GATA4: variants seen among roughly 807,000 people sequenced by gnomAD.
The protein encoded by GATA4 is GATA binding protein 4, also known as transcription factor GATA-4.
Under a neutral mutation model 37.9 loss-of-function variants are expected in GATA4, and 7 were observed. That is an observed-to-expected ratio of 0.18 (90% CI 0.11 to 0.35). The LOEUF is 0.35. Among genes scored for constraint, GATA4 ranks in the 10% least tolerant of loss-of-function variants. The probability of loss-of-function intolerance (pLI) is 1.00; values close to 1 mark genes in which losing one functional copy is unlikely to be tolerated. For synonymous variants in GATA4, 372 were observed against 292.6 expected (o/e 1.27, Z -2.77); for missense variants, 647 against 653.0 (o/e 0.99, Z 0.10).
At chr8:11,742,395 TTCCTTTC>T (rs1264051791) in intron 2 of GATA4, among the ~76,000 whole-genome samples, 1 of 63,576 alleles carries the variant, frequency 1.6e-5, no homozygotes, top group Non-Finnish European at 5.7e-5. Flanking sequence ...TTTTTTTTTT[TTCCTTTC>T]CCTTTCCCTT....
chr8:11,716,935 G>T (rs1800458320), intron 2 of GATA4, among the ~76,000 whole-genome samples: 1 of 152,210 alleles, frequency 6.6e-6, no homozygotes, highest in African/African-American at 2.4e-5. Context: ...TTCCAGAAGA[G>T]GGCAGTTCTT....
intron 2 of GATA4, among the ~76,000 whole-genome samples, chr8:11,710,896 C>A (rs1435041786): frequency 1.3e-5 from 2 of 151,716 alleles, no homozygotes; most frequent in African/African-American, 4.8e-5. Context: ...CCGAGGCAGG[C>A]GGATCACAAG....
At chr8:11,699,197 C>T (rs1429483085), upstream of GATA4, among the ~76,000 whole-genome samples, 1 of 152,148 alleles carries the variant, frequency 6.6e-6, no homozygotes, top group East Asian at 1.9e-4. Flanking sequence ...GGACAGCCAA[C>T]CCCATATAAA....
chr8:11,706,485 C>G (rs757712571), intron 1 of GATA4, among the ~76,000 whole-genome samples: 1 of 152,214 alleles, frequency 6.6e-6, no homozygotes, highest in African/African-American at 2.4e-5. Flanking sequence ...ATAATCCTCA[C>G]TCCTAAGCTT....
chr8:11,696,671 G>T (rs560789641), intron 1 of GATA4, among the ~76,000 whole-genome samples: 3 of 152,308 alleles, frequency 2.0e-5, no homozygotes, highest in African/African-American at 7.2e-5. Context: ...TATCTGCTGG[G>T]GCATGTTCAA....
At chr8:11,712,129 T>C (rs879090214) in intron 2 of GATA4, among the ~76,000 whole-genome samples, 1 of 152,266 alleles carries the variant, frequency 6.6e-6, no homozygotes, top group African/African-American at 2.4e-5. Context: ...GTAATACTTT[T>C]GAAGAATTTG....
intron 4 of GATA4, among the ~76,000 whole-genome samples, chr8:11,753,773 G>A (rs1250754760): frequency 2.0e-5 from 3 of 152,208 alleles, no homozygotes; most frequent in African/African-American, 4.8e-5. Context: ...TAACCATTGC[G>A]TGTTCATGTC....
chr8:11,730,496 T>A (rs1266656998), intron 2 of GATA4, among the ~76,000 whole-genome samples: 1 of 152,162 alleles, frequency 6.6e-6, no homozygotes, highest in Non-Finnish European at 1.5e-5. Flanking sequence ...GAAGAGTGAT[T>A]ATTTGTACTG....
intron 2 of GATA4, among the ~76,000 whole-genome samples, chr8:11,741,538 G>A (rs1229980811): frequency 1.3e-5 from 2 of 152,020 alleles, no homozygotes; most frequent in South Asian, 2.1e-4. Context: ...ACAAGTTCGC[G>A]GACTTAGCTC....
intron 2 of GATA4, among the ~76,000 whole-genome samples, chr8:11,725,398 G>A (rs778112231): frequency 3.3e-5 from 5 of 152,246 alleles, no homozygotes; most frequent in Non-Finnish European, 4.4e-5. Context: ...TCACGCAAGG[G>A]CTGGGGAATC....
chr8:11,701,844 A>T (rs1411011433), upstream of GATA4, among the ~76,000 whole-genome samples: 2 of 117,320 alleles, frequency 1.7e-5, no homozygotes, highest in African/African-American at 6.4e-5. Flanking sequence ...TGGGTAAAGG[A>T]CCGGGGTGGT....
At chr8:11,716,272 A>G (rs920051322) in intron 2 of GATA4, among the ~76,000 whole-genome samples, 1 of 152,220 alleles carries the variant, frequency 6.6e-6, no homozygotes, top group Non-Finnish European at 1.5e-5. Context: ...AAAAACAGAT[A>G]CATGATATTC....
chr8:11,683,852 T>C (rs1302671979), intron 1 of GATA4, among the ~76,000 whole-genome samples: 6 of 152,234 alleles, frequency 3.9e-5, no homozygotes, highest in Admixed American at 3.9e-4. Flanking sequence ...CTGTACTCTC[T>C]GCCAGCTCAG....
chr8:11,699,473 G>T (rs374676608), upstream of GATA4, among the ~76,000 whole-genome samples: 3 of 152,384 alleles, frequency 2.0e-5, no homozygotes, highest in South Asian at 4.1e-4. Flanking sequence ...GACTCCCTAT[G>T]TTCTGGGTGG....
intron 2 of GATA4, among the ~76,000 whole-genome samples, chr8:11,737,675 A>G (rs1035613937): frequency 2.0e-5 from 3 of 152,204 alleles, no homozygotes; most frequent in Non-Finnish European, 4.4e-5. Context: ...CAGCTTCAGG[A>G]GTGCAGCAAA....
intron 1 of GATA4, among the ~76,000 whole-genome samples, chr8:11,679,083 G>T (rs1399375453): frequency 6.6e-6 from 1 of 151,742 alleles, no homozygotes; most frequent in Non-Finnish European, 1.5e-5. Flanking sequence ...TGGAGCAGAG[G>T]AGAGGAGAGG....
rs12674489 is a variant in GATA4, at chr8:11,696,193, C to A, written c.-729+3533C>A. 8.9e-3 allele frequency among the ~76,000 whole-genome samples: 1,356 copies of A among 152,220 alleles called. 49 individuals carry two copies. In the East Asian group the frequency reaches 0.11, roughly 13 times the overall value. ...GTACAGTTTTCAGAGTCTTGACATA[C>A]ACACAAATTGTGTGACCACCATCAC... On this transcript the variant is annotated intron_variant, in intron 1 of 2. Coordinates refer to the GATA4 transcript ENST00000526974.
At chr8:11,718,000 C>G (rs944849410) in intron 2 of GATA4, among the ~76,000 whole-genome samples, 1 of 152,230 alleles carries the variant, frequency 6.6e-6, no homozygotes, top group African/African-American at 2.4e-5. Context: ...ACTCAAAAAT[C>G]CCTTTCCTAA....
rs141114164 is a variant in GATA4, at chr8:11,750,164, C to T, written c.840C>T (p.Thr280=). ...LSCANCQTTT[T]TLWRRNAEGE... ...GTGCCAACTGCCAGACCACCACCAC[C>T]ACGCTGTGGCGCCGCAATGCGGAGG... The change falls in exon 4 of 7, where the codon ACC becomes ACT. Residue 280 remains threonine, a synonymous_variant. Coordinates refer to ENST00000532059, the MANE Select transcript of GATA4 (RefSeq NM_001308093.3). 36 of 1,613,800 alleles carry T rather than the reference C, an allele frequency of 2.2e-5. No homozygotes were observed. The highest frequency in any genetic ancestry group is 3.0e-5 in the Non-Finnish European group (35 of 1,180,046).
Sources: gnomAD v4.1 joint callset for allele counts (sites outside exome capture counted in the v4.1 genomes callset) on GRCh38, gnomAD v4.1.1 for gene constraint, MANE v1.5 for transcripts, NCBI Gene and HGNC (gene_info 2026-07-23, HGNC 2026-07-21) for gene names.